XPNPEP3: variants seen among roughly 807,000 people sequenced by gnomAD.
The protein encoded by XPNPEP3 is X-prolyl aminopeptidase 3.
Under a neutral mutation model 60.0 loss-of-function variants are expected in XPNPEP3, and 41 were observed. The ratio of observed to expected loss-of-function variants is 0.68; its 90% CI spans 0.53 to 0.89. The LOEUF (loss-of-function observed/expected upper bound fraction) is 0.89, where lower values mean the gene tolerates loss of function less well. Among genes scored for constraint, XPNPEP3 ranks in the 40% least tolerant of loss-of-function variants. The pLI is 0.00. For missense variants in XPNPEP3, 598 were observed against 638.9 expected, an observed-to-expected ratio of 0.94 and a Z score of 0.69; for synonymous variants, 212 against 223.2, an observed-to-expected ratio of 0.95 and a Z score of 0.45.
chr22:40,902,511 A>G (rs1002760676), intron 4 of XPNPEP3, among the ~76,000 whole-genome samples: 1 of 151,962 alleles, frequency 6.6e-6, no homozygotes, highest in Non-Finnish European at 1.5e-5. Flanking sequence ...CGGCCTCCCA[A>G]AGTGCTGGGA....
intron 2 of XPNPEP3, among the ~76,000 whole-genome samples, chr22:40,878,618 ACT>A (rs906887547): frequency 7.1e-4 from 106 of 149,916 alleles, no homozygotes; most frequent in African/African-American, 2.6e-3. Flanking sequence ...ACGGAATCTT[ACT>A]CTGTCGCTCA....
rs1004453068 is a variant in XPNPEP3 at position 40,929,909 on chromosome 22, G to A, written c.*3474G>A. On this transcript the variant is annotated 3_prime_UTR_variant, in exon 10 of 10. Transcript: ENST00000357137. ...ATCAAATAATTTTATTTTTCTAATA[G>A]TATTTTCCAAATATTTCTTAAAATT... The A allele has an allele frequency of 6.6e-6, 1 of 152,030 alleles. No homozygotes were observed. The highest frequency in any genetic ancestry group is 1.5e-5 in the Non-Finnish European group (1 of 68,010). The allele number at this position is 152,030 out of a possible 1,614,324, so 9.4% of individuals were successfully genotyped here.
chr22:40,883,362 TG>T (rs1157464654), intron 3 of XPNPEP3, among the ~76,000 whole-genome samples: 4 of 152,226 alleles, frequency 2.6e-5, no homozygotes, highest in African/African-American at 9.6e-5. Context: ...GTTCTTTTTT[TG>T]TTTTTTTTTA....
intron 1 of XPNPEP3, 66 bp downstream of exon 1, chr22:40,857,311 C>A (rs1036635615): frequency 1.3e-6 from 2 of 1,579,086 alleles, no homozygotes; most frequent in Admixed American, 1.7e-5. Flanking sequence ...TGGTCTCAGG[C>A]GATCCCTGGT....
At chr22:40,866,943 C>T (rs1301364823) in intron 1 of XPNPEP3, among the ~76,000 whole-genome samples, 1 of 152,180 alleles carries the variant, frequency 6.6e-6, no homozygotes, top group Admixed American at 6.5e-5. Context: ...TGAAATTTTA[C>T]TGCCTAATGA....
chr22:40,926,516 C>G lies in XPNPEP3; in HGVS notation c.*81C>G. On this transcript the variant is annotated 3_prime_UTR_variant, in exon 10 of 10. Transcript: ENST00000357137. ...CTGCACGTGTGCTTTCTGAGTGTCTCTGTGTGTGCATTAATATATGCATTC... is the reference window on the plus strand; with the variant it reads ...CTGCACGTGTGCTTTCTGAGTGTCTGTGTGTGTGCATTAATATATGCATTC... The G allele has an allele frequency of 6.7e-7, 1 of 1,502,578 alleles. No individual in the cohort carries two copies. The highest frequency in any genetic ancestry group is 1.1e-5 in the South Asian group (1 of 88,398). 93.1% of individuals were successfully genotyped at this position (1,502,578 alleles called of 1,614,324 possible).
chr22:40,861,217 A>T lies in XPNPEP3; in HGVS notation c.64+3972A>T, dbSNP rs778279337. On this transcript the variant is annotated intron_variant, in intron 1 of 9. Transcript: ENST00000357137. The stretch of plus-strand genomic sequence containing the variant: ...CCCTCATCATTGTCCACGAAAGTAT[A>T]TTGAGATACATGTTTGGAGCTGTGA... 90 of 1,613,992 alleles carry T rather than the reference A, an allele frequency of 5.6e-5. No individual in the cohort carries two copies. Among genetic ancestry groups the T allele is most frequent in the Non-Finnish European group, 7.0e-5 (83 of 1,180,016 alleles).
intron 7 of XPNPEP3, among the ~76,000 whole-genome samples, chr22:40,918,224 A>G (rs1289458576): frequency 6.6e-6 from 1 of 151,890 alleles, no homozygotes; most frequent in Non-Finnish European, 1.5e-5. Context: ...AATACAAAAA[A>G]TTGGCCAACT....
intron 1 of XPNPEP3, chr22:40,862,295 TC>T: frequency 9.4e-7 from 1 of 1,068,396 alleles, no homozygotes; most frequent in Non-Finnish European, 1.1e-6. Flanking sequence ...CTGGACTGTT[TC>T]CCCTGTATGT....
rs6002194 is a variant in XPNPEP3, at chr22:40,902,847, G to A, written c.793-4740G>A. On this transcript the variant is annotated intron_variant, in intron 4 of 9. Coordinates refer to ENST00000357137, the MANE Select transcript of XPNPEP3 (RefSeq NM_022098.4). ...GCCTGTGGCTGTCTCACAGCAAGGA[G>A]TCTGGAGAAGCCAGGTGCAGACTCC... Among the ~76,000 whole-genome samples the A allele has an allele frequency of 6.1e-3, 891 of 145,910 alleles. 9 individuals carry two copies. The highest frequency in any genetic ancestry group is 0.021 in the African/African-American group (837 of 39,050).
At chr22:40,890,741 C>T (rs2058085305) in intron 4 of XPNPEP3, among the ~76,000 whole-genome samples, 11 of 151,876 alleles carry the variant, frequency 7.2e-5, no homozygotes. Flanking sequence ...GTGGTACGCA[C>T]CTGTAGTCCC....
intron 1 of XPNPEP3, among the ~76,000 whole-genome samples, chr22:40,866,894 A>G (rs188710456): frequency 1.1e-4 from 17 of 152,338 alleles, no homozygotes; most frequent in African/African-American, 4.1e-4. Context: ...ATTATTTCAT[A>G]TGAGCATTGA....
intron 4 of XPNPEP3, among the ~76,000 whole-genome samples, chr22:40,905,892 C>T (rs932988249): frequency 6.6e-6 from 1 of 151,920 alleles, no homozygotes; most frequent in Non-Finnish European, 1.5e-5. Context: ...TCCCAGTTCA[C>T]GTGATTCTCC....
chr22:40,872,691 T>C (rs530484967), intron 2 of XPNPEP3, among the ~76,000 whole-genome samples: 2 of 152,074 alleles, frequency 1.3e-5, no homozygotes, highest in Non-Finnish European at 2.9e-5. Flanking sequence ...CCTCAGGTGA[T>C]CCACCCGCCT....
intron 2 of XPNPEP3, among the ~76,000 whole-genome samples, chr22:40,874,107 G>T (rs1391746991): frequency 6.6e-6 from 1 of 152,024 alleles, no homozygotes; most frequent in African/African-American, 2.4e-5. Flanking sequence ...CTATTTAAAA[G>T]ATTAAAATGA....
chr22:40,907,247 C>T (rs1461523963), intron 4 of XPNPEP3: 4 of 440,876 alleles, frequency 9.1e-6, no homozygotes, highest in South Asian at 4.8e-5. Flanking sequence ...CAGTGAAACC[C>T]CGACTCTACT....
intron 4 of XPNPEP3, among the ~76,000 whole-genome samples, chr22:40,904,160 A>G (rs920581947): frequency 2.6e-5 from 4 of 152,168 alleles, no homozygotes; most frequent in African/African-American, 4.8e-5. Flanking sequence ...TGCCAATCAT[A>G]AAGTCTAACT....
chr22:40,909,458 G>T (rs1447868015), intron 6 of XPNPEP3, among the ~76,000 whole-genome samples: 1 of 152,066 alleles, frequency 6.6e-6, no homozygotes, highest in Admixed American at 6.6e-5. Context: ...TGAGGAAAAC[G>T]AATTTCAAAA....
At position 40,885,418 on chromosome 22, in the gene XPNPEP3, A is replaced by G. The variant is rs116172162; in HGVS notation, c.590-895A>G. On this transcript the variant is annotated intron_variant, in intron 3 of 9. Coordinates refer to ENST00000357137, the MANE Select transcript of XPNPEP3 (RefSeq NM_022098.4). ...CATTTCCTTAGGTCTCTAAAGTTGAAAGCTGAACTGTGATTGTTTACAAAG... is the reference window on the plus strand; with the variant it reads ...CATTTCCTTAGGTCTCTAAAGTTGAGAGCTGAACTGTGATTGTTTACAAAG... Among the ~76,000 whole-genome samples the G allele has an allele frequency of 5.1e-3, 773 of 152,338 alleles. 3 individuals carry two copies. Among genetic ancestry groups the G allele is most frequent in the African/African-American group, 0.017 (724 of 41,582 alleles).
Sources: allele counts gnomAD v4.1 joint callset (sites outside exome capture counted in the v4.1 genomes callset), GRCh38; gene constraint gnomAD v4.1.1; transcripts MANE v1.5; gene names NCBI Gene and HGNC (gene_info 2026-07-23, HGNC 2026-07-21).